The following LARGE1 variants were observed in gnomAD, a reference collection of about 807,000 sequenced individuals.
LARGE1 encodes the protein xylosyl- and glucuronyltransferase LARGE1.
In LARGE1, 43 loss-of-function variants were observed where a neutral mutation model predicts 87.6. That is an observed-to-expected ratio of 0.49 (90% CI 0.38 to 0.63). LARGE1 has a LOEUF of 0.63. LARGE1 is among the 30% of genes least tolerant of loss of function. The pLI is 0.00. For synonymous variants in LARGE1, 434 were observed against 394.6 expected (o/e 1.10, Z -1.18); for missense variants, 802 against 1,000.2 (o/e 0.80, Z 2.67).
chr22:33,385,306 G>A (rs2065284807), intron 7 of LARGE1, among the ~76,000 whole-genome samples: 1 of 147,556 alleles, frequency 6.8e-6, no homozygotes, highest in African/African-American at 2.5e-5. Context: ...TGGGAGGGGA[G>A]GTGGGTGGAT....
At chr22:33,624,046 A>C (rs1253162451) in intron 4 of LARGE1, among the ~76,000 whole-genome samples, 2 of 152,160 alleles carry the variant, frequency 1.3e-5, no homozygotes, top group African/African-American at 4.8e-5. Flanking sequence ...AAATAAAATA[A>C]AAAATAAAAA....
At chr22:33,310,890 G>C (rs996574643) in intron 11 of LARGE1, among the ~76,000 whole-genome samples, 1 of 151,980 alleles carries the variant, frequency 6.6e-6, no homozygotes, top group African/African-American at 2.4e-5. Context: ...TGTCTGCTAC[G>C]CTTGGGCTGT....
chr22:33,236,443 CTGTTCATGACTG>C (rs1211469518), intron 11 of LARGE1, among the ~76,000 whole-genome samples: 1 of 152,144 alleles, frequency 6.6e-6, no homozygotes, highest in Non-Finnish European at 1.5e-5. Context: ...TGTTCTGTTT[CTGTTCATGACTG>C]TGTGTATGTG....
At chr22:33,574,952 T>G (rs1328699046) in intron 5 of LARGE1, among the ~76,000 whole-genome samples, 1 of 152,158 alleles carries the variant, frequency 6.6e-6, no homozygotes, top group Non-Finnish European at 1.5e-5. Context: ...TGGAATATAC[T>G]CTAATGATTT....
chr22:33,576,162 T>C (rs753832710), intron 5 of LARGE1, among the ~76,000 whole-genome samples: 17 of 152,208 alleles, frequency 1.1e-4, no homozygotes, highest in Non-Finnish European at 2.5e-4. Context: ...TGTATTTATG[T>C]ATGTAGACTT....
At chr22:33,421,645 CT>C (rs1371812505) in intron 7 of LARGE1, among the ~76,000 whole-genome samples, 1 of 152,192 alleles carries the variant, frequency 6.6e-6, no homozygotes, top group African/African-American at 2.4e-5. Flanking sequence ...TAAATGTACT[CT>C]ATTATCTCAT....
intron 2 of LARGE1, among the ~76,000 whole-genome samples, chr22:33,718,038 T>C (rs756800792): frequency 3.3e-5 from 5 of 152,244 alleles, no homozygotes; most frequent in Non-Finnish European, 5.9e-5. Flanking sequence ...CATTTGAAGA[T>C]AGGCTCAATC....
chr22:33,372,883 A>T (rs954868447), intron 9 of LARGE1, among the ~76,000 whole-genome samples: 4 of 152,228 alleles, frequency 2.6e-5, no homozygotes, highest in Non-Finnish European at 4.4e-5. Flanking sequence ...CAAGACAGAC[A>T]GGAATCCATA....
At position 33,774,725 on chromosome 22, in the gene LARGE1, A is replaced by T. The variant is rs1345177726; in HGVS notation, c.-82-13167T>A. Among the ~76,000 whole-genome samples, 3 of 152,206 alleles carry T rather than the reference A, an allele frequency of 2.0e-5. No homozygotes were observed. In the East Asian group the frequency reaches 5.8e-4, roughly 29 times the overall value. ...ATATTAGCATGTTAACATGTAATCA[A>T]TATAAAGCATTACTAATGAGGCGCT... On this transcript the variant is annotated intron_variant, in intron 1 of 14. Coordinates refer to ENST00000397394, the MANE Select transcript of LARGE1 (RefSeq NM_133642.5).
At chr22:33,226,803 C>T (rs1267119428) in intron 11 of LARGE1, among the ~76,000 whole-genome samples, 10 of 151,802 alleles carry the variant, frequency 6.6e-5, no homozygotes, top group Admixed American at 1.3e-4. Context: ...AATCTCGGCT[C>T]ACTGCAAGCT....
At chr22:33,199,165 CTT>C (rs924578702) in intron 11 of LARGE1, among the ~76,000 whole-genome samples, 12 of 149,978 alleles carry the variant, frequency 8.0e-5, no homozygotes, top group Admixed American at 7.3e-4. Flanking sequence ...AAAAATATCT[CTT>C]TGTGTCCTTT....
chr22:33,416,404 T>C (rs781302313), intron 7 of LARGE1, among the ~76,000 whole-genome samples: 1 of 152,070 alleles, frequency 6.6e-6, no homozygotes, highest in Non-Finnish European at 1.5e-5. Context: ...CTTTGAAGCT[T>C]TTCTCCACCC....
At chr22:33,505,360 T>C (rs1256240526) in intron 6 of LARGE1, among the ~76,000 whole-genome samples, 1 of 152,202 alleles carries the variant, frequency 6.6e-6, no homozygotes, top group Non-Finnish European at 1.5e-5. Flanking sequence ...CTACTGCTAA[T>C]ACCATTATCG....
intron 10 of LARGE1, among the ~76,000 whole-genome samples, chr22:33,336,878 G>A (rs183545158): frequency 0.011 from 1,723 of 152,004 alleles, 37 homozygotes; most frequent in African/African-American, 0.038. Context: ...TGGCTAACAC[G>A]GTGAAACCCC....
chr22:33,810,997 T>G (rs570426883), intron 1 of LARGE1, among the ~76,000 whole-genome samples: 1 of 152,144 alleles, frequency 6.6e-6, no homozygotes, highest in Non-Finnish European at 1.5e-5. Flanking sequence ...GATTTTTTTG[T>G]TCTATGCGAG....
At chr22:33,255,099 A>G (rs1242898340) in intron 11 of LARGE1, among the ~76,000 whole-genome samples, 1 of 151,942 alleles carries the variant, frequency 6.6e-6, no homozygotes. Context: ...CACCACACCC[A>G]GCTAATTTTT....
intron 5 of LARGE1, among the ~76,000 whole-genome samples, chr22:33,597,151 AC>A (rs1050648300): frequency 1.3e-5 from 2 of 152,130 alleles, no homozygotes; most frequent in African/African-American, 4.8e-5. Flanking sequence ...TGTGGTCCCC[AC>A]TGAACTATAA....
chr22:33,229,663 C>T (rs533669799), intron 11 of LARGE1, among the ~76,000 whole-genome samples: 117 of 151,972 alleles, frequency 7.7e-4, no homozygotes, highest in African/African-American at 2.8e-3. Flanking sequence ...ACATATCTTA[C>T]AGGATGTTCA....
chr22:33,219,464 C>A (rs376841125), intron 11 of LARGE1, among the ~76,000 whole-genome samples: 9 of 152,162 alleles, frequency 5.9e-5, no homozygotes, highest in Admixed American at 5.2e-4. Flanking sequence ...ACCTGGTGTA[C>A]GCTAAATATT....
Sources: gnomAD v4.1 joint callset for allele counts (sites outside exome capture counted in the v4.1 genomes callset) on GRCh38, gnomAD v4.1.1 for gene constraint, MANE v1.5 for transcripts, NCBI Gene and HGNC (gene_info 2026-07-23, HGNC 2026-07-21) for gene names.